Variants in RASA3 observed in about 807,000 individuals in gnomAD.
RASA3 encodes RAS p21 protein activator 3.
In RASA3, 73 loss-of-function variants were observed where a neutral mutation model predicts 110.0. The ratio of observed to expected loss-of-function variants is 0.66; its 90% confidence interval spans 0.55 to 0.81. The LOEUF (loss-of-function observed/expected upper bound fraction) is 0.81. Ranked by LOEUF, RASA3 falls within the 30% of genes least tolerant of loss-of-function variation. RASA3 has a pLI of 0.00. For synonymous variants in RASA3, 500 were observed against 451.4 expected, an observed-to-expected ratio of 1.11 and a Z score of -1.37; for missense variants, 976 against 1,113.2, an observed-to-expected ratio of 0.88 and a Z score of 1.75.
chr13:113,997,471 G>T (rs1051676253), intron 20 of RASA3, among the ~76,000 whole-genome samples: 1 of 152,084 alleles, frequency 6.6e-6, no homozygotes, highest in African/African-American at 2.4e-5. Context: ...TAAGCAGGGG[G>T]TGGGGGCAAA....
chr13:114,060,821 TG>T (rs970140646), intron 2 of RASA3, among the ~76,000 whole-genome samples: 10 of 152,310 alleles, frequency 6.6e-5, no homozygotes, highest in African/African-American at 2.2e-4. Context: ...TCACCTTCCC[TG>T]AGGCTCCCTG....
chr13:114,109,920 C>T (rs973689642), intron 1 of RASA3, among the ~76,000 whole-genome samples: 6 of 152,290 alleles, frequency 3.9e-5, no homozygotes, highest in Middle Eastern at 3.4e-3. Context: ...ACCCTTGGGG[C>T]GCAACTTCCC....
chr13:114,036,992 A>G (rs2054290551), intron 4 of RASA3, among the ~76,000 whole-genome samples: 1 of 152,124 alleles, frequency 6.6e-6, no homozygotes, highest in South Asian at 2.1e-4. Flanking sequence ...CCTCCCTTTT[A>G]GACAACAGCT....
intron 1 of RASA3, among the ~76,000 whole-genome samples, chr13:114,100,739 G>A (rs2080047579): frequency 6.6e-6 from 1 of 152,174 alleles, no homozygotes; most frequent in East Asian, 1.9e-4. Flanking sequence ...CTGTTTAAAT[G>A]TCCAGCCGTT....
chr13:114,058,269 G>A (rs983030261), intron 2 of RASA3, among the ~76,000 whole-genome samples: 5 of 151,952 alleles, frequency 3.3e-5, no homozygotes, highest in African/African-American at 1.2e-4. Flanking sequence ...CCAGCTCCAG[G>A]TGCTGCTGCT....
In RASA3 at chr13:114,027,984, C is replaced by T. The variant is rs900207688; in HGVS notation, c.450-57G>A. 99 of 1,443,008 alleles carry T rather than the reference C, an allele frequency of 6.9e-5. 1 individual carries two copies. The Middle Eastern group carries it at 4.5e-3, about 66-fold the overall frequency. 89.4% of individuals were successfully genotyped at this position (1,443,008 alleles called of 1,614,324 possible). A position where few individuals can be genotyped will look rare whatever the true frequency, so the allele number is the denominator to read the frequency against. ...GGAGCGCAGACACCTGGGCGAATGG[C>T]GAGACAGCTCTGGGTCAGGCAGGAG... On this transcript the variant is annotated intron_variant, in intron 5 of 23. Transcript: ENST00000334062.
chr13:114,131,675 C>T (rs1425158020), intron 1 of RASA3, among the ~76,000 whole-genome samples: 1 of 152,364 alleles, frequency 6.6e-6, no homozygotes, highest in African/African-American at 2.4e-5. Context: ...CTCCCCGCCC[C>T]GCGGGAGCCC....
At chr13:113,982,776 T>G (rs1438582083) in intron 22 of RASA3, among the ~76,000 whole-genome samples, 1 of 152,204 alleles carries the variant, frequency 6.6e-6, no homozygotes, top group Non-Finnish European at 1.5e-5. Context: ...GGAACCCTTG[T>G]GCAGGGGATG....
chr13:114,047,015 A>G (rs965996095), intron 3 of RASA3, among the ~76,000 whole-genome samples: 14 of 152,202 alleles, frequency 9.2e-5, no homozygotes, highest in African/African-American at 3.1e-4. Context: ...AATAGGCAAG[A>G]CTTTCTTAGA....
At position 114,114,827 on chromosome 13, in the gene RASA3, G is replaced by A. The variant is rs914042809; in HGVS notation, c.55+17608C>T. 1.3e-5 allele frequency among the ~76,000 whole-genome samples: 2 copies of A among 152,180 alleles called. No individual in the cohort carries two copies. Among genetic ancestry groups the A allele is most frequent in the Non-Finnish European group, 2.9e-5 (2 of 68,032 alleles). On this transcript the variant is annotated intron_variant, in intron 1 of 23. Coordinates refer to ENST00000334062, the MANE Select transcript of RASA3 (RefSeq NM_007368.4). The surrounding 1 kb of genome is among the most constrained non-coding windows in gnomAD (Gnocchi z 4.8). ...TCATGTGCAGGGACAGGGCAGAGTC[G>A]TGACCAACAGTGGAAAGACCCATAG...
Position 114,024,274 on chromosome 13 carries a change from C to A in RASA3, c.680+5G>T, listed in dbSNP as rs199808761. 21 of 1,613,918 alleles carry A rather than the reference C, an allele frequency of 1.3e-5. No homozygotes were observed. In the African/African-American group the frequency reaches 2.5e-4, roughly 19 times the overall value. On this transcript the variant is annotated splice_donor_5th_base_variant and intron_variant, in intron 8 of 23. Transcript: ENST00000334062. ...AGTTGGGGACGCGGAGCCTGGTTTT[C>A]TCACCTGATTTCGAGCTTGTCCACG...
At chr13:114,013,513 GTCTC>G (rs1185664091) in intron 14 of RASA3, among the ~76,000 whole-genome samples, 6 of 114,184 alleles carry the variant, frequency 5.3e-5, no homozygotes, top group African/African-American at 1.8e-4. Flanking sequence ...CCCTCTATTT[GTCTC>G]TCTCTCATCT....
In RASA3 at chr13:114,024,346, G is replaced by T; in HGVS notation, c.613C>A (p.Pro205Thr). 6.2e-7 allele frequency: 1 copy of T among 1,613,694 alleles called. No individual in the cohort carries two copies. The highest frequency in any genetic ancestry group is 1.1e-5 in the South Asian group (1 of 91,080). ...DEVFYFEVTR[P>T]CSYSKKSHFD... Reference sequence around the variant, plus strand: ...TGGGACTTCTTGCTGTAGCTACAGGGCCGGGTCACCTGGAGTCAGACGAGA... The same window carrying T: ...TGGGACTTCTTGCTGTAGCTACAGGTCCGGGTCACCTGGAGTCAGACGAGA... Residue 205 changes from proline (P) to threonine (T), a missense_variant, in exon 8 of 24, where the codon CCC becomes ACC. Pro to Thr is a conservative substitution (Grantham distance 38). Around this residue, in one of 4 missense-constraint regions of RASA3, gnomAD observed 732 missense variants for 779.7 expected, o/e 0.94. Coordinates refer to ENST00000334062, the MANE Select transcript of RASA3 (RefSeq NM_007368.4).
At chr13:114,080,487 C>A (rs964711964) in intron 1 of RASA3, among the ~76,000 whole-genome samples, 5 of 152,148 alleles carry the variant, frequency 3.3e-5, no homozygotes, top group Non-Finnish European at 5.9e-5. Flanking sequence ...TCAGAGGGCA[C>A]GGGAGGTTCT....
intron 1 of RASA3, among the ~76,000 whole-genome samples, chr13:114,103,940 A>C (rs60287946): frequency 1.0e-4 from 2 of 19,674 alleles, no homozygotes; most frequent in African/African-American, 3.2e-4. Context: ...CCACGCTGCC[A>C]CAGCCACGGA....
rs188940210 is a variant in RASA3, at chr13:113,989,552, A to C, written c.2245+2933T>G. Among the ~76,000 whole-genome samples the C allele has an allele frequency of 7.3e-4, 98 of 134,770 alleles. No homozygotes were observed. In the East Asian group the frequency reaches 0.017, roughly 23 times the overall value. 88.4% of individuals were successfully genotyped at this position (134,770 alleles called of 152,430 possible). On this transcript the variant is annotated intron_variant, in intron 22 of 23. Transcript: ENST00000334062. The stretch of plus-strand genomic sequence containing the variant: ...TCCACCATCACTCACCCATCCTTCC[A>C]TCCACCCATCACTCATCCATCTATC...
chr13:114,010,208 C>A (rs1403205645), intron 16 of RASA3, among the ~76,000 whole-genome samples: 2 of 152,202 alleles, frequency 1.3e-5, no homozygotes, highest in African/African-American at 4.8e-5. Flanking sequence ...CCCAAGCGGG[C>A]TGCTCCTCCA....
intron 20 of RASA3, among the ~76,000 whole-genome samples, chr13:113,997,625 G>C (rs1490809024): frequency 6.6e-6 from 1 of 152,052 alleles, no homozygotes; most frequent in Non-Finnish European, 1.5e-5. Context: ...GGGCAGGGGG[G>C]ACAGATATCC....
chr13:114,026,226 T>C (rs2054023047), intron 7 of RASA3, among the ~76,000 whole-genome samples: 1 of 152,156 alleles, frequency 6.6e-6, no homozygotes, highest in African/African-American at 2.4e-5. Context: ...CCCCACTGTG[T>C]GTATGACAGC....
Sources: gnomAD v4.1 joint callset for allele counts (sites outside exome capture counted in the v4.1 genomes callset) on GRCh38, gnomAD v4.1.1 for gene constraint, gnomAD v4.1.1 regional missense constraint, Gnocchi (gnomAD v3.1) non-coding constraint, MANE v1.5 for transcripts, NCBI Gene and HGNC (gene_info 2026-07-23, HGNC 2026-07-21) for gene names.